B3GALT1: variants seen among roughly 807,000 people sequenced by gnomAD.
The protein encoded by B3GALT1 is UDP-Gal:betaGlcNAc beta 1,3-galactosyltransferase, polypeptide 1.
B3GALT1 carries 10 observed loss-of-function variants against 23.2 expected under a neutral mutation model. The ratio of observed to expected loss-of-function variants is 0.43; its 90% CI spans 0.27 to 0.73. B3GALT1 has a LOEUF of 0.73. B3GALT1 is among the 30% of genes least tolerant of loss of function. The probability of loss-of-function intolerance (pLI) is 0.21; values close to 1 mark genes in which losing one functional copy is unlikely to be tolerated. For missense variants in B3GALT1, 299 were observed against 405.4 expected (o/e 0.74, Z 2.25); for synonymous variants, 156 against 141.5 (o/e 1.10, Z -0.73).
intron 3 of B3GALT1, among the ~76,000 whole-genome samples, chr2:167,665,983 G>A (rs948885734): frequency 6.6e-6 from 1 of 152,068 alleles, no homozygotes; most frequent in Non-Finnish European, 1.5e-5. Flanking sequence ...TCTGATTTTA[G>A]TTATTTCTTG....
rs567140375 is a variant in B3GALT1 at position 167,438,689 on chromosome 2, C to A, written c.-510-51488C>A. On this transcript the variant is annotated intron_variant, in intron 1 of 4. Transcript: ENST00000392690. ...CCAAGCAACAAGTATTCTTCAGGGGCCCCACAGGGCAGACTGAGGAGAGAA... is the reference window on the plus strand; with the variant it reads ...CCAAGCAACAAGTATTCTTCAGGGGACCCACAGGGCAGACTGAGGAGAGAA... Among the ~76,000 whole-genome samples, 30 of 152,260 alleles carry A rather than the reference C, an allele frequency of 2.0e-4. No individual in the cohort carries two copies. In the South Asian group the frequency reaches 5.6e-3, roughly 28 times the overall value.
chr2:167,549,742 T>C (rs968099801), intron 2 of B3GALT1, among the ~76,000 whole-genome samples: 2 of 152,160 alleles, frequency 1.3e-5, no homozygotes, highest in African/African-American at 4.8e-5. Flanking sequence ...TTTGAAAACT[T>C]TACAGAAACT....
intron 1 of B3GALT1, among the ~76,000 whole-genome samples, chr2:167,344,283 C>A (rs1040677761): frequency 2.0e-5 from 3 of 152,162 alleles, no homozygotes; most frequent in Non-Finnish European, 2.9e-5. Context: ...AAAACAAACT[C>A]ACCTTCACTT....
At chr2:167,380,322 C>A (rs1481188674) in intron 1 of B3GALT1, among the ~76,000 whole-genome samples, 1 of 152,162 alleles carries the variant, frequency 6.6e-6, no homozygotes, top group Non-Finnish European at 1.5e-5. Context: ...GGTCACCCAG[C>A]GATGGCACAG....
chr2:167,821,774 G>A (rs1027035137), intron 4 of B3GALT1, among the ~76,000 whole-genome samples: 2 of 152,088 alleles, frequency 1.3e-5, no homozygotes, highest in Non-Finnish European at 2.9e-5. Flanking sequence ...TGCTCAGATA[G>A]AGCCACTGAT....
chr2:167,325,201 C>CTT (rs969194707), intron 1 of B3GALT1, among the ~76,000 whole-genome samples: 1 of 150,910 alleles, frequency 6.6e-6, no homozygotes, highest in African/African-American at 2.4e-5. Flanking sequence ...ATATTGATTT[C>CTT]TTTTTTTTTG....
intron 1 of B3GALT1, among the ~76,000 whole-genome samples, chr2:167,308,001 G>A (rs1347304438): frequency 6.6e-6 from 1 of 151,884 alleles, no homozygotes; most frequent in Non-Finnish European, 1.5e-5. Flanking sequence ...TTAGTAAATG[G>A]GAAAATAGTT....
At chr2:167,480,363 G>A (rs780558964) in intron 1 of B3GALT1, among the ~76,000 whole-genome samples, 14 of 152,158 alleles carry the variant, frequency 9.2e-5, no homozygotes, top group Non-Finnish European at 1.3e-4. Context: ...AGGAATGAGC[G>A]AAGCCAGCAG....
At chr2:167,373,774 G>T (rs1697720377) in intron 1 of B3GALT1, among the ~76,000 whole-genome samples, 1 of 152,092 alleles carries the variant, frequency 6.6e-6, no homozygotes, top group African/African-American at 2.4e-5. Flanking sequence ...GGCCCAGCTG[G>T]TCTCAAACTG....
chr2:167,407,582 AAACCTTTAGCTATGCT>A (rs1485788851), intron 1 of B3GALT1, among the ~76,000 whole-genome samples: 3 of 152,202 alleles, frequency 2.0e-5, no homozygotes, highest in Non-Finnish European at 4.4e-5. Flanking sequence ...AAAAATCAAC[AAACCTTTAGCTATGCT>A]AAGGACAAAA....
At chr2:167,829,666 T>C (rs553525840) in intron 4 of B3GALT1, among the ~76,000 whole-genome samples, 4 of 152,308 alleles carry the variant, frequency 2.6e-5, no homozygotes, top group Admixed American at 6.5e-5. Flanking sequence ...AGTTGATGCC[T>C]TTCCTTCTCT....
chr2:167,653,291 T>C (rs1051888136), intron 3 of B3GALT1, among the ~76,000 whole-genome samples: 1 of 152,198 alleles, frequency 6.6e-6, no homozygotes, highest in Non-Finnish European at 1.5e-5. Context: ...TTGTGGTCAA[T>C]GTGGACATTA....
intron 3 of B3GALT1, among the ~76,000 whole-genome samples, chr2:167,746,029 TCTC>T (rs1181780051): frequency 6.6e-6 from 1 of 152,188 alleles, no homozygotes; most frequent in Non-Finnish European, 1.5e-5. Flanking sequence ...CTTTGTCTAA[TCTC>T]CTGAGTCAGA....
At chr2:167,559,143 G>T (rs1266457166) in intron 2 of B3GALT1, among the ~76,000 whole-genome samples, 1 of 152,156 alleles carries the variant, frequency 6.6e-6, no homozygotes, top group Admixed American at 6.5e-5. Flanking sequence ...AGCAGGATTT[G>T]CGGTTCATGA....
At chr2:167,294,564 T>C (rs1696318658) in intron 1 of B3GALT1, among the ~76,000 whole-genome samples, 1 of 152,204 alleles carries the variant, frequency 6.6e-6, no homozygotes. Context: ...TCTTGGCGAT[T>C]GTTTTCTATG....
chr2:167,337,473 CT>C (rs1697077975), intron 1 of B3GALT1, among the ~76,000 whole-genome samples: 1 of 151,920 alleles, frequency 6.6e-6, no homozygotes, highest in Non-Finnish European at 1.5e-5. Context: ...GCTGGGTTTC[CT>C]GTATAATTTA....
At chr2:167,688,111 A>T (rs1483323926) in intron 3 of B3GALT1, among the ~76,000 whole-genome samples, 2 of 152,162 alleles carry the variant, frequency 1.3e-5, no homozygotes, top group Non-Finnish European at 2.9e-5. Context: ...TGATAGCTTA[A>T]AAATCTGGCT....
intron 1 of B3GALT1, among the ~76,000 whole-genome samples, chr2:167,294,093 G>A (rs1156455969): frequency 7.2e-5 from 11 of 152,184 alleles, no homozygotes; most frequent in Non-Finnish European, 1.5e-4. Context: ...GCCTGGTGGC[G>A]GCGTAGGGCG....
At chr2:167,755,033 G>A (rs985300549) in intron 3 of B3GALT1, among the ~76,000 whole-genome samples, 1 of 152,076 alleles carries the variant, frequency 6.6e-6, no homozygotes, top group African/African-American at 2.4e-5. Flanking sequence ...TGTTGTAGGG[G>A]GCGGGGTGAT....
Sources: gnomAD v4.1 joint callset for allele counts (sites outside exome capture counted in the v4.1 genomes callset) on GRCh38, gnomAD v4.1.1 for gene constraint, MANE v1.5 for transcripts, NCBI Gene and HGNC (gene_info 2026-07-23, HGNC 2026-07-21) for gene names.